Variants in TNFAIP8L3 observed in about 807,000 individuals in gnomAD.
TNFAIP8L3 encodes the protein TNF alpha induced protein 8 like 3.
In TNFAIP8L3, 7 loss-of-function variants were observed where a neutral mutation model predicts 11.8. The observed-to-expected ratio is 0.59, with a 90% confidence interval of 0.34 to 1.11. The LOEUF (loss-of-function observed/expected upper bound fraction) is 1.11. Among genes scored for constraint, TNFAIP8L3 ranks in the 50% most tolerant of loss-of-function variants. TNFAIP8L3 has a pLI of 0.03. For synonymous variants in TNFAIP8L3, 98 were observed against 103.8 expected, an observed-to-expected ratio of 0.94 and a Z score of 0.34; for missense variants, 219 against 258.6, an observed-to-expected ratio of 0.85 and a Z score of 1.05.
chr15:51,094,465 G>A lies in TNFAIP8L3; in HGVS notation c.52+79C>T, dbSNP rs2065496014. The A allele has an allele frequency of 1.5e-6, 2 of 1,355,418 alleles. No individual in the cohort carries two copies. The highest frequency in any genetic ancestry group is 3.3e-5 in the East Asian group (1 of 30,568). The allele number at this position is 1,355,418 out of a possible 1,614,324, so 84.0% of individuals were successfully genotyped here. A position where few individuals can be genotyped will look rare whatever the true frequency, so the allele number is the denominator to read the frequency against. On this transcript the variant is annotated intron_variant, in intron 1 of 1. Transcript: ENST00000637513. The surrounding 1 kb of genome is among the most constrained non-coding windows in gnomAD (Gnocchi z 4.4). ...GAAGGGGTCGGGCTGCTGAGGATCG[G>A]CTTCCCGATTTCATGCCCCAGCCTC...
At chr15:51,093,187 G>A (rs936337347) in intron 1 of TNFAIP8L3, among the ~76,000 whole-genome samples, 2 of 152,222 alleles carry the variant, frequency 1.3e-5, no homozygotes, top group African/African-American at 4.8e-5. Flanking sequence ...GGCAAAGCAG[G>A]TGGCACTTGC....
At chr15:51,085,467 C>T (rs984280218) in intron 1 of TNFAIP8L3, among the ~76,000 whole-genome samples, 2 of 152,122 alleles carry the variant, frequency 1.3e-5, no homozygotes, top group African/African-American at 4.8e-5. Flanking sequence ...TGGGCCTGTG[C>T]TGGTCTGACC....
Position 51,094,396 on chromosome 15 carries a change from C to G in TNFAIP8L3, c.52+148G>C. ...AAGTGCAATGGGGTTGGGGGAAGCC[C>G]CAAAGCAAACTCACGACGCGGAGCA... On this transcript the variant is annotated intron_variant, in intron 1 of 1. Coordinates refer to ENST00000637513, the MANE Select transcript of TNFAIP8L3 (RefSeq NM_001311175.2). This position sits in a 1 kb window ranked among gnomAD's most constrained non-coding sequence, Gnocchi z 4.4. 9.6e-7 allele frequency: 1 copy of G among 1,045,728 alleles called. No individual in the cohort carries two copies. The highest frequency in any genetic ancestry group is 1.2e-6 in the Non-Finnish European group (1 of 808,000). The allele number at this position is 1,045,728 out of a possible 1,614,324, so 64.8% of individuals were successfully genotyped here.
In TNFAIP8L3 at chr15:51,093,462, G is replaced by C. The variant is rs191098513; in HGVS notation, c.52+1082C>G. On this transcript the variant is annotated intron_variant, in intron 1 of 1. Coordinates refer to ENST00000637513, the MANE Select transcript of TNFAIP8L3 (RefSeq NM_001311175.2). ...GTATTAATAATATACGCAGGGCACT[G>C]TCCTGCTTGGTTCCCGAACCTCTCT... 1.9e-3 allele frequency among the ~76,000 whole-genome samples: 287 copies of C among 152,362 alleles called. 1 individual carries two copies. The highest frequency in any genetic ancestry group is 3.6e-3 in the Non-Finnish European group (247 of 68,034).
chr15:51,083,243 T>G (rs1413361858), intron 1 of TNFAIP8L3, among the ~76,000 whole-genome samples: 1 of 152,150 alleles, frequency 6.6e-6, no homozygotes, highest in African/African-American at 2.4e-5. Flanking sequence ...CAGAAATAGA[T>G]TCACATTATA....
intron 1 of TNFAIP8L3, among the ~76,000 whole-genome samples, chr15:51,104,680 T>G (rs1335410349): frequency 6.6e-6 from 1 of 152,240 alleles, no homozygotes; most frequent in South Asian, 2.1e-4. Flanking sequence ...CTCTCTGACC[T>G]GGCCTTGGGC....
upstream of TNFAIP8L3, among the ~76,000 whole-genome samples, chr15:51,096,128 G>T (rs148581242): frequency 9.2e-5 from 14 of 152,214 alleles, no homozygotes; most frequent in Non-Finnish European, 2.1e-4. Context: ...GTAGGTGGGT[G>T]AACTGGGACT....
rs901334659 is a variant in TNFAIP8L3 at position 51,093,490 on chromosome 15, C to G, written c.52+1054G>C. On this transcript the variant is annotated intron_variant, in intron 1 of 1. Transcript: ENST00000637513. The stretch of plus-strand genomic sequence containing the variant: ...CTGCTTGGTTCCCGAACCTCTCTTT[C>G]CTACACCCACGGCTGGACTGATGGT... 3.3e-5 allele frequency among the ~76,000 whole-genome samples: 5 copies of G among 152,228 alleles called. No individual in the cohort carries two copies. In the South Asian group the frequency reaches 8.3e-4, roughly 25 times the overall value.
intron 1 of TNFAIP8L3, among the ~76,000 whole-genome samples, chr15:51,063,037 C>A (rs1437111297): frequency 6.6e-6 from 1 of 152,112 alleles, no homozygotes; most frequent in East Asian, 1.9e-4. Flanking sequence ...CCTGTAGAAG[C>A]TGGAGATGGC....
intron 1 of TNFAIP8L3, among the ~76,000 whole-genome samples, chr15:51,073,420 A>G (rs1481767662): frequency 2.0e-5 from 3 of 152,160 alleles, no homozygotes; most frequent in Non-Finnish European, 4.4e-5. Context: ...TCTCTTGCAT[A>G]TCTTTCATTA....
intron 1 of TNFAIP8L3, among the ~76,000 whole-genome samples, chr15:51,080,623 CAG>C (rs1480203526): frequency 6.6e-6 from 1 of 152,214 alleles, no homozygotes; most frequent in Non-Finnish European, 1.5e-5. Context: ...TGGTCTAGCA[CAG>C]ACTTCGGCAA....
In TNFAIP8L3 at chr15:51,058,165, T is replaced by A; in HGVS notation, c.331A>T (p.Lys111Ter). 6.2e-7 allele frequency: 1 copy of A among 1,614,242 alleles called. No homozygotes were observed. Among genetic ancestry groups the A allele is most frequent in the Non-Finnish European group, 8.5e-7 (1 of 1,180,050 alleles). ...ATGGTCATGGCGGTCTGGTTCAGCTTCTTCCGGAACTTCTCCACAATAACC... is the reference window on the plus strand; with the variant it reads ...ATGGTCATGGCGGTCTGGTTCAGCTACTTCCGGAACTTCTCCACAATAACC... ...ELVIVEKFRK[K>*]LNQTAMTIVS... The change falls in exon 2 of 2, where the codon AAG becomes TAG. Residue 111 changes from lysine to a stop codon, truncating the protein, a stop_gained. Coordinates refer to ENST00000637513, the MANE Select transcript of TNFAIP8L3 (RefSeq NM_001311175.2). LOFTEE classifies it high-confidence loss of function.
At chr15:51,101,636 A>G (rs1295145770) in intron 1 of TNFAIP8L3, among the ~76,000 whole-genome samples, 1 of 151,246 alleles carries the variant, frequency 6.6e-6, no homozygotes, top group Non-Finnish European at 1.5e-5. Context: ...AAAAAAAAAA[A>G]AGAAAGAAAG....
At chr15:51,102,879 G>A (rs1207723029) in intron 1 of TNFAIP8L3, among the ~76,000 whole-genome samples, 2 of 151,888 alleles carry the variant, frequency 1.3e-5, no homozygotes, top group African/African-American at 4.8e-5. Flanking sequence ...TTTACCTCCT[G>A]TACACCAGTG....
At chr15:51,080,839 T>C (rs541179611) in intron 1 of TNFAIP8L3, among the ~76,000 whole-genome samples, 2 of 152,376 alleles carry the variant, frequency 1.3e-5, no homozygotes, top group Non-Finnish European at 2.9e-5. Context: ...GAAGAGGACA[T>C]GATAAAGTCA....
intron 1 of TNFAIP8L3, among the ~76,000 whole-genome samples, chr15:51,066,441 C>G (rs1243189109): frequency 6.6e-6 from 1 of 152,184 alleles, no homozygotes; most frequent in Non-Finnish European, 1.5e-5. Flanking sequence ...GAATTACAGG[C>G]ATTGAGCCAC....
At chr15:51,065,444 C>T (rs577073732) in intron 1 of TNFAIP8L3, among the ~76,000 whole-genome samples, 1 of 152,282 alleles carries the variant, frequency 6.6e-6, no homozygotes, top group Admixed American at 6.5e-5. Flanking sequence ...ACTAAGCTCT[C>T]CCAGATGGTG....
chr15:51,078,191 A>G (rs2065368295), intron 1 of TNFAIP8L3, among the ~76,000 whole-genome samples: 2 of 151,280 alleles, frequency 1.3e-5, no homozygotes, highest in Admixed American at 1.3e-4. Flanking sequence ...TTCACCACAG[A>G]CTCCTTGGTA....
upstream of TNFAIP8L3, among the ~76,000 whole-genome samples, chr15:51,095,002 C>T (rs1376747051): frequency 6.6e-6 from 1 of 151,896 alleles, no homozygotes; most frequent in Non-Finnish European, 1.5e-5. Context: ...TTGCCTCGCG[C>T]GGCGAGGTTG....
Sources: allele counts gnomAD v4.1 joint callset (sites outside exome capture counted in the v4.1 genomes callset), GRCh38; gene constraint gnomAD v4.1.1; non-coding constraint Gnocchi (gnomAD v3.1); transcripts MANE v1.5; gene names NCBI Gene and HGNC (gene_info 2026-07-23, HGNC 2026-07-21).